The following HIVEP3 variants were observed in gnomAD, a reference collection of about 807,000 sequenced individuals.
The protein encoded by HIVEP3 is transcription factor HIVEP3.
In HIVEP3, 49 loss-of-function variants were observed where a neutral mutation model predicts 152.8. The observed-to-expected ratio is 0.32, with a 90% CI of 0.26 to 0.41. HIVEP3 has a LOEUF of 0.41. Among genes scored for constraint, HIVEP3 ranks in the 10% least tolerant of loss-of-function variants. The pLI is 1.00. For synonymous variants in HIVEP3, 1,269 were observed against 1,289.0 expected, an observed-to-expected ratio of 0.98 and a Z score of 0.33; for missense variants, 2,790 against 3,103.3, an observed-to-expected ratio of 0.90 and a Z score of 2.40.
At chr1:41,814,375 A>T (rs1198489629) in intron 1 of HIVEP3, among the ~76,000 whole-genome samples, 1 of 152,168 alleles carries the variant, frequency 6.6e-6, no homozygotes, top group African/African-American at 2.4e-5. Context: ...AACTATATCC[A>T]TCACCTCTTT....
chr1:41,579,436 CT>C (rs1178613432), intron 4 of HIVEP3, among the ~76,000 whole-genome samples: 1 of 152,100 alleles, frequency 6.6e-6, no homozygotes, highest in Non-Finnish European at 1.5e-5. Flanking sequence ...TGGAAAATTT[CT>C]TTTTTTTCTT....
rs374544369 is a variant in HIVEP3 at position 41,738,269 on chromosome 1, G to A, written c.-800-37274C>T. On this transcript the variant is annotated intron_variant, in intron 1 of 8. Transcript: ENST00000372583. ...AACTCTGGCCAAGCCCTTGTACTGC[G>A]CAGAAATCGCAGGCACTGTCGCTGA... Among the ~76,000 whole-genome samples the A allele has an allele frequency of 6.6e-5, 10 of 152,242 alleles. No individual in the cohort carries two copies. The South Asian group carries it at 1.0e-3, about 16-fold the overall frequency.
chr1:41,588,191 C>A (rs996631161), intron 3 of HIVEP3, among the ~76,000 whole-genome samples: 1 of 152,196 alleles, frequency 6.6e-6, no homozygotes, highest in African/African-American at 2.4e-5. Flanking sequence ...GCCTCCTCAG[C>A]CTGGCTGCAC....
intron 2 of HIVEP3, among the ~76,000 whole-genome samples, chr1:41,696,833 T>C (rs950634591): frequency 6.6e-6 from 1 of 152,174 alleles, no homozygotes; most frequent in Admixed American, 6.5e-5. Flanking sequence ...TGTGGAATAG[T>C]AGGTGAATTT....
At chr1:41,629,060 C>T in intron 2 of HIVEP3, 113 bp from the exon 3 acceptor site, 1 of 681,972 alleles carries the variant, frequency 1.5e-6, no homozygotes, top group Non-Finnish European at 2.0e-6. Context: ...TACTCCCAAG[C>T]AGCTTTACTT....
At chr1:41,625,397 G>A (rs1301836287) in intron 3 of HIVEP3, among the ~76,000 whole-genome samples, 1 of 152,066 alleles carries the variant, frequency 6.6e-6, no homozygotes, top group Admixed American at 6.6e-5. Flanking sequence ...TTTAAAAAAC[G>A]GTGTGGCTAT....
chr1:42,024,805 A>G (rs1194609455), intron 1 of HIVEP3, among the ~76,000 whole-genome samples: 1 of 152,228 alleles, frequency 6.6e-6, no homozygotes, highest in Non-Finnish European at 1.5e-5. Context: ...AAGTGGTGGC[A>G]AACTCCACAT....
chr1:41,785,499 A>G (rs576114416), intron 1 of HIVEP3, among the ~76,000 whole-genome samples: 5 of 152,348 alleles, frequency 3.3e-5, no homozygotes, highest in Admixed American at 3.3e-4. Context: ...TGACCTCAAC[A>G]TTTGACAAGG....
intron 1 of HIVEP3, among the ~76,000 whole-genome samples, chr1:41,826,064 C>A (rs1642793459): frequency 6.6e-6 from 1 of 152,110 alleles, no homozygotes; most frequent in Non-Finnish European, 1.5e-5. Flanking sequence ...GACATGGCTG[C>A]CCTGCTGGAA....
intron 1 of HIVEP3, among the ~76,000 whole-genome samples, chr1:42,027,537 G>C (rs1006188157): frequency 6.6e-6 from 1 of 152,074 alleles, no homozygotes; most frequent in Non-Finnish European, 1.5e-5. Flanking sequence ...CCCATTATTT[G>C]TTGCATTCCA....
chr1:41,904,171 A>G (rs1410456370), intron 1 of HIVEP3, among the ~76,000 whole-genome samples: 1 of 152,080 alleles, frequency 6.6e-6, no homozygotes, highest in Non-Finnish European at 1.5e-5. Flanking sequence ...TCTTGGGATT[A>G]CAGGCCTGAG....
intron 2 of HIVEP3, among the ~76,000 whole-genome samples, chr1:41,684,307 A>T (rs773752647): frequency 1.3e-5 from 2 of 152,200 alleles, no homozygotes; most frequent in Admixed American, 1.3e-4. Context: ...AAAGCCACCA[A>T]CCACCTTGGC....
At chr1:41,630,229 T>C (rs1645174663) in intron 2 of HIVEP3, among the ~76,000 whole-genome samples, 1 of 151,984 alleles carries the variant, frequency 6.6e-6, no homozygotes, top group Non-Finnish European at 1.5e-5. Flanking sequence ...AAACATTGGG[T>C]ACACATGGAC....
At chr1:41,524,653 GC>G (rs1218807814) in intron 6 of HIVEP3, 81 bp downstream of exon 6, 2 of 1,313,432 alleles carry the variant, frequency 1.5e-6, no homozygotes, top group African/African-American at 2.9e-5. Context: ...AGAGGTCTGG[GC>G]ACCTGAACTC....
At chr1:41,544,014 C>T (rs1643598986) in intron 5 of HIVEP3, 1 of 152,130 alleles carries the variant, frequency 6.6e-6, no homozygotes, top group African/African-American at 2.4e-5. Flanking sequence ...AAGGATTTTA[C>T]AGGTCCTGAC....
Position 41,580,267 on chromosome 1 carries a change from C to G in HIVEP3, c.4531G>C (p.Glu1511Gln). 1 of 1,613,882 alleles carries G rather than the reference C, an allele frequency of 6.2e-7. No individual in the cohort carries two copies. Among genetic ancestry groups the G allele is most frequent in the East Asian group, 2.2e-5 (1 of 44,878 alleles). Residue 1511 changes from glutamate (E) to glutamine (Q), a missense_variant, in exon 4 of 9, where the codon GAA (glutamate) becomes CAA (glutamine). By Grantham distance (29) the Glu-to-Gln change is conservative. Transcript: ENST00000372583. ...GCAGGGTGAGGGAGGGGAGGAATTT[C>G]CTTTGTGTCAGATGGATCTGAGGAC... ...SLSSDPSDTK[E>Q]IPPLPHPALS...
At position 41,513,736 on chromosome 1, in the gene HIVEP3, G is replaced by C; in HGVS notation, c.5485C>G (p.Leu1829Val). ...LEAEEGTSDD[L>V]FQDSEGREGS... is the part of the protein sequence containing the mutation. Reference sequence around the variant, plus strand: ...TCTCGTCCTTCCGAGTCCTGGAACAGGTCGTCACTGGTTCCTGAGGGCAAA... The same window carrying C: ...TCTCGTCCTTCCGAGTCCTGGAACACGTCGTCACTGGTTCCTGAGGGCAAA... Residue 1829 changes from leucine to valine, a missense_variant, in exon 8 of 9, where the codon CTG becomes GTG. Physicochemically the swap from Leu to Val is conservative, Grantham distance 32 (BLOSUM62 1). Around this residue, in one of 9 missense-constraint regions of HIVEP3, gnomAD observed 816 missense variants for 806.5 expected, o/e 1.01. Transcript: ENST00000372583. 1 of 1,564,166 alleles carries C rather than the reference G, an allele frequency of 6.4e-7. No individual in the cohort carries two copies. Among genetic ancestry groups the C allele is most frequent in the Non-Finnish European group, 8.7e-7 (1 of 1,155,754 alleles).
intron 1 of HIVEP3, among the ~76,000 whole-genome samples, chr1:41,865,303 C>T (rs1246548974): frequency 6.6e-6 from 1 of 152,212 alleles, no homozygotes; most frequent in Non-Finnish European, 1.5e-5. Flanking sequence ...GGGGCATCAC[C>T]AATGAGCTGG....
Position 41,894,461 on chromosome 1 carries a change from G to T in HIVEP3, c.-801+23952C>A, listed in dbSNP as rs531935431. Reference sequence around the variant, plus strand: ...CCTATCAAGGTGTGCAGCAAATGTGGCTTCTCAACCTTCATTCCATGTTAA... The same window carrying T: ...CCTATCAAGGTGTGCAGCAAATGTGTCTTCTCAACCTTCATTCCATGTTAA... On this transcript the variant is annotated intron_variant, in intron 1 of 8. Coordinates refer to ENST00000372583, the MANE Select transcript of HIVEP3 (RefSeq NM_024503.5). 9.2e-5 allele frequency among the ~76,000 whole-genome samples: 14 copies of T among 152,206 alleles called. No individual in the cohort carries two copies. The South Asian group carries it at 2.9e-3, about 32-fold the overall frequency.
Sources: gnomAD v4.1 joint callset for allele counts (sites outside exome capture counted in the v4.1 genomes callset) on GRCh38, gnomAD v4.1.1 for gene constraint, gnomAD v4.1.1 regional missense constraint, MANE v1.5 for transcripts, NCBI Gene and HGNC (gene_info 2026-07-23, HGNC 2026-07-21) for gene names.